The following SOHLH1 variants were observed in gnomAD, a reference collection of about 807,000 sequenced individuals.
The protein encoded by SOHLH1 is spermatogenesis- and oogenesis-specific basic helix-loop-helix-containing protein 1.
SOHLH1 carries 23 observed loss-of-function variants against 36.2 expected under a neutral mutation model. The ratio of observed to expected loss-of-function variants is 0.64; its 90% CI spans 0.46 to 0.90. The LOEUF is 0.90. Among genes scored for constraint, SOHLH1 ranks in the 40% least tolerant of loss-of-function variants. The pLI, the probability that SOHLH1 is intolerant of heterozygous loss-of-function variation, is 0.00. For synonymous variants in SOHLH1, 289 were observed against 228.3 expected (o/e 1.27, Z -2.40); for missense variants, 608 against 517.0 (o/e 1.18, Z -1.71).
At chr9:135,697,331 TGTTGGTCACCTCACACCTG>T (rs1834843830) in intron 4 of SOHLH1, among the ~76,000 whole-genome samples, 156 bp downstream of exon 4, 5 of 152,114 alleles carry the variant, frequency 3.3e-5, no homozygotes, top group Admixed American at 3.3e-4. Context: ...AGCTCGCCCA[TGTTGGTCACCTCACACCTG>T]GCCACCTGAG....
At chr9:135,700,418 C>CAT (rs1834991010), upstream of SOHLH1, among the ~76,000 whole-genome samples, 1 of 151,868 alleles carries the variant, frequency 6.6e-6, no homozygotes, top group African/African-American at 2.4e-5. Context: ...TTGCGGGGGG[C>CAT]CCTCAGGGAA....
chr9:135,698,870 C>T (rs1275494275), intron 2 of SOHLH1, 125 bp downstream of exon 2: 6 of 1,365,168 alleles, frequency 4.4e-6, no homozygotes, highest in African/African-American at 2.9e-5. Flanking sequence ...TGCAGTCTGT[C>T]CTTCTCCTGG....
rs773260130 is a variant in SOHLH1, at chr9:135,697,565, C to T, written c.408G>A (p.Leu136=). 3.7e-6 allele frequency: 6 copies of T among 1,612,778 alleles called. No homozygotes were observed. The South Asian group carries it at 5.5e-5, about 15-fold the overall frequency. ...GCACACCTGCTTGAATCTGACTCGA[C>T]AACGTCAACTGTAAAACATCCTCCT... The part of the protein sequence containing the change: ...SLQEDVLQLT[L]SSQIQAGVPD... The change falls in exon 4 of 8, where the codon TTG becomes TTA. Residue 136 remains leucine, a synonymous_variant. Transcript: ENST00000425225.
At position 135,699,050 on chromosome 9, in the gene SOHLH1, C is replaced by G. The variant is rs1214443887; in HGVS notation, c.142G>C (p.Ala48Pro). The change falls in exon 2 of 8, where the codon GCC (alanine) becomes CCC (proline). Residue 48 changes from alanine to proline, a missense_variant. By Grantham distance (27) the Ala-to-Pro change is conservative (BLOSUM62 -1). Transcript: ENST00000425225. ...GSGPPKAPTV[A>P]EGPSSCLRRN... ...CGAAGGCAGGAGCTGGGACCCTCGGCCACCGTAGGGGCCTTGGGCGGGCCC... is the reference window on the plus strand; with the variant it reads ...CGAAGGCAGGAGCTGGGACCCTCGGGCACCGTAGGGGCCTTGGGCGGGCCC... 1.2e-6 allele frequency: 2 copies of G among 1,611,258 alleles called. No individual in the cohort carries two copies. The highest frequency in any genetic ancestry group is 3.3e-5 in the Admixed American group (2 of 59,980).
chr9:135,695,841 G>C (rs1482787506), intron 5 of SOHLH1, among the ~76,000 whole-genome samples: 1 of 152,168 alleles, frequency 6.6e-6, no homozygotes, highest in Non-Finnish European at 1.5e-5. Context: ...GCTGTGGGTG[G>C]CATTAGGGAC....
chr9:135,695,847 G>A (rs1374737393), intron 5 of SOHLH1, among the ~76,000 whole-genome samples: 4 of 152,194 alleles, frequency 2.6e-5, no homozygotes, highest in Non-Finnish European at 5.9e-5. Flanking sequence ...GGTGGCATTA[G>A]GGACAAAGGC....
intron 5 of SOHLH1, 75 bp downstream of exon 5, chr9:135,696,537 T>C: frequency 6.5e-7 from 1 of 1,539,324 alleles, no homozygotes; most frequent in Non-Finnish European, 8.8e-7. Context: ...CAGCCCCCAT[T>C]GTTCTTAGGG....
upstream of SOHLH1, chr9:135,699,666 AAAG>A (rs1834967145): frequency 1.5e-5 from 10 of 647,862 alleles, no homozygotes; most frequent in African/African-American, 3.6e-5. Flanking sequence ...GCGTTCCTGC[AAAG>A]AAGGTGCTGG....
chr9:135,696,936 A>T (rs1435467560), intron 4 of SOHLH1, 131 bp from the exon 5 acceptor site: 1 of 1,066,420 alleles, frequency 9.4e-7, no homozygotes, highest in Non-Finnish European at 1.4e-6. Flanking sequence ...GCATCAAGCC[A>T]GCCTCTGCCC....
At chr9:135,700,092 G>C (rs1277337977), upstream of SOHLH1, among the ~76,000 whole-genome samples, 2 of 152,144 alleles carry the variant, frequency 1.3e-5, no homozygotes, top group Admixed American at 6.5e-5. Flanking sequence ...ACCATCGTCC[G>C]TGCTCTTCCT....
In SOHLH1 at chr9:135,698,412, C is replaced by A. The variant is rs1316787460; in HGVS notation, c.262G>T (p.Glu88Ter). ...ATCTCCAGGACCGAGGCCATGTCCTCCCGCCGGCCATCGAACTGGGGCAGC... is the reference window on the plus strand; with the variant it reads ...ATCTCCAGGACCGAGGCCATGTCCTACCGCCGGCCATCGAACTGGGGCAGC... ...ALLPQFDGRR[E>*]DMASVLEMSV... The change falls in exon 3 of 8, where the codon GAG (glutamate) becomes TAG (stop). Residue 88 changes from glutamate (E) to a stop codon, truncating the protein, a stop_gained. Transcript: ENST00000425225. LOFTEE classifies it high-confidence loss of function. 2 of 1,613,186 alleles carry A rather than the reference C, an allele frequency of 1.2e-6. No individual in the cohort carries two copies. Among genetic ancestry groups the A allele is most frequent in the Non-Finnish European group, 8.5e-7 (1 of 1,180,040 alleles).
At chr9:135,697,448 G>A (rs1336290426) in intron 4 of SOHLH1, 58 bp downstream of exon 4, 9 of 1,587,902 alleles carry the variant, frequency 5.7e-6, no homozygotes, top group South Asian at 2.2e-5. Flanking sequence ...AGGGGGCTTT[G>A]GGTCTGCTGC....
At position 135,697,538 on chromosome 9, in the gene SOHLH1, T is replaced by C; in HGVS notation, c.435A>G (p.Pro145=). 1 of 1,612,538 alleles carries C rather than the reference T, an allele frequency of 6.2e-7. No homozygotes were observed. Among genetic ancestry groups the C allele is most frequent in the South Asian group, 1.1e-5 (1 of 91,066 alleles). Reference sequence around the variant, plus strand: ...CGCTGGACGCTCCCGTCCCAGGGTCTGGCACACCTGCTTGAATCTGACTCG... The same window carrying C: ...CGCTGGACGCTCCCGTCCCAGGGTCCGGCACACCTGCTTGAATCTGACTCG... ...TLSSQIQAGV[P]DPGTGASSGT... Residue 145 remains proline, a synonymous_variant, in exon 4 of 8, where the codon CCA becomes CCG. Transcript: ENST00000425225.
rs371754668 is a variant in SOHLH1 at position 135,698,980 on chromosome 9, G to A, written c.197+15C>T. 3.5e-5 allele frequency: 57 copies of A among 1,611,190 alleles called. No individual in the cohort carries two copies. The highest frequency in any genetic ancestry group is 4.7e-5 in the Non-Finnish European group (55 of 1,179,744). Reference sequence around the variant, plus strand: ...CTTTACAGCGCCCTCACCCCTGGGAGGCACCACCACTCACCTGCGCTCCCT... The same window carrying A: ...CTTTACAGCGCCCTCACCCCTGGGAAGCACCACCACTCACCTGCGCTCCCT... On this transcript the variant is annotated intron_variant, in intron 2 of 7. Transcript: ENST00000425225.
chr9:135,699,512 C>T (rs372053641), upstream of SOHLH1: 242 of 1,587,834 alleles, frequency 1.5e-4, 2 homozygotes, highest in Non-Finnish European at 1.5e-4. Flanking sequence ...GCCCCTTCCG[C>T]AGGCAGCCCC....
upstream of SOHLH1, among the ~76,000 whole-genome samples, chr9:135,699,697 C>A (rs555578322): frequency 6.6e-6 from 1 of 152,252 alleles, no homozygotes; most frequent in East Asian, 1.9e-4. Context: ...CTCGGGGGGT[C>A]CACCCACTCT....
chr9:135,699,180 G>A (rs1303541423), intron 1 of SOHLH1, 54 bp from the exon 2 acceptor site: 2 of 1,551,938 alleles, frequency 1.3e-6, no homozygotes, highest in Non-Finnish European at 1.7e-6. Flanking sequence ...AAGGCCACCA[G>A]GAGTCCCAGA....
In SOHLH1 at chr9:135,693,415, C is replaced by A. The variant is rs973867029; in HGVS notation, c.*182G>T. 29 of 852,100 alleles carry A rather than the reference C, an allele frequency of 3.4e-5. No individual in the cohort carries two copies. In the East Asian group the frequency reaches 7.1e-4, roughly 21 times the overall value. 52.8% of individuals were successfully genotyped at this position (852,100 alleles called of 1,614,324 possible). A position where few individuals can be genotyped will look rare whatever the true frequency, so the allele number is the denominator to read the frequency against. On this transcript the variant is annotated 3_prime_UTR_variant, in exon 8 of 8. Transcript: ENST00000425225. ...CACAGAAGCCACACAGGTTTTGCTT[C>A]CTCCAGGAAAACTGCTTTCCCTCTT...
In SOHLH1 at chr9:135,695,070, G is replaced by A. The variant is rs1834734610; in HGVS notation, c.855C>T (p.Pro285=). ...CTCACCCGGCCTCCTGCGCCAGCAT[G>A]GGGTCCTCCTTGGCTGGCTCCCCCA... is the stretch of plus-strand genomic sequence containing the variant. ...APLGEPAKED[P]MLAQEAGSAL... Residue 285 remains proline, a synonymous_variant, in exon 6 of 8, where the codon CCC becomes CCT. Coordinates refer to ENST00000425225, the MANE Select transcript of SOHLH1 (RefSeq NM_001101677.2). 1 of 1,597,254 alleles carries A rather than the reference G, an allele frequency of 6.3e-7. No homozygotes were observed. The highest frequency in any genetic ancestry group is 1.3e-5 in the African/African-American group (1 of 74,662).
Sources: allele counts gnomAD v4.1 joint callset (sites outside exome capture counted in the v4.1 genomes callset), GRCh38; gene constraint gnomAD v4.1.1; transcripts MANE v1.5; gene names NCBI Gene and HGNC (gene_info 2026-07-23, HGNC 2026-07-21).